The following CEP164 variants were observed in gnomAD, a reference collection of about 807,000 sequenced individuals.
CEP164 encodes centrosomal protein 164, also known as centrosomal protein of 164 kDa.
CEP164 carries 162 observed loss-of-function variants against 182.7 expected under a neutral mutation model. The ratio of observed to expected loss-of-function variants is 0.89; its 90% CI spans 0.78 to 1.01. The LOEUF is 1.01. Ranked by LOEUF, CEP164 falls within the 50% of genes least tolerant of loss-of-function variation. CEP164 has a pLI of 0.00. For synonymous variants in CEP164, 661 were observed against 690.0 expected (o/e 0.96, Z 0.66); for missense variants, 1,735 against 1,790.4 (o/e 0.97, Z 0.56).
intron 8 of CEP164, among the ~76,000 whole-genome samples, chr11:117,365,429 G>C (rs2041517188): frequency 6.6e-6 from 1 of 152,138 alleles, no homozygotes; most frequent in South Asian, 2.1e-4. Flanking sequence ...TGGGTACTTG[G>C]TCCCTGCTGT....
chr11:117,382,693 C>T, intron 13 of CEP164, 103 bp from the exon 14 acceptor site: 1 of 1,374,508 alleles, frequency 7.3e-7, no homozygotes. Context: ...GTTGGGCTGT[C>T]TCTCTTGTCT....
chr11:117,390,179 G>A (rs1339657368), intron 15 of CEP164, among the ~76,000 whole-genome samples: 1 of 151,842 alleles, frequency 6.6e-6, no homozygotes, highest in Non-Finnish European at 1.5e-5. Context: ...CTGACCTCAA[G>A]TGATCCACCT....
chr11:117,381,645 C>T, intron 12 of CEP164, 56 bp from the exon 13 acceptor site: 1 of 1,554,680 alleles, frequency 6.4e-7, no homozygotes, highest in East Asian at 2.4e-5. Context: ...CCCCAGTTCT[C>T]TTCCCGCTCT....
intron 5 of CEP164, among the ~76,000 whole-genome samples, chr11:117,353,907 G>A (rs1565460433): frequency 6.6e-6 from 1 of 152,178 alleles, no homozygotes; most frequent in South Asian, 2.1e-4. Context: ...GCTAGACTGA[G>A]TTTTCAAGTC....
At chr11:117,323,595 C>T (rs929388151), upstream of CEP164, among the ~76,000 whole-genome samples, 4 of 152,046 alleles carry the variant, frequency 2.6e-5, no homozygotes, top group African/African-American at 4.8e-5. Flanking sequence ...AATTTCATTT[C>T]CTTTGGATAT....
At chr11:117,403,283 G>T (rs191174974) in intron 27 of CEP164, among the ~76,000 whole-genome samples, 1 of 152,278 alleles carries the variant, frequency 6.6e-6, no homozygotes, top group African/African-American at 2.4e-5. Context: ...TTACAATTTG[G>T]CATGTTTTTG....
chr11:117,356,565 G>T, intron 5 of CEP164: 1 of 1,289,146 alleles, frequency 7.8e-7, no homozygotes, highest in South Asian at 1.2e-5. Context: ...GTCCAGCAGA[G>T]CTCCAGCAGA....
At chr11:117,380,768 A>ATT in intron 12 of CEP164, 63 bp downstream of exon 12, 1 of 1,484,496 alleles carries the variant, frequency 6.7e-7, no homozygotes, top group Non-Finnish European at 9.2e-7. Flanking sequence ...CTTGGGCAGA[A>ATT]TTCTTGGCTT....
rs776554109 is a variant in CEP164, at chr11:117,338,651, A to G, written c.65A>G (p.Tyr22Cys). 3 of 1,613,716 alleles carry G rather than the reference A, an allele frequency of 1.9e-6. No homozygotes were observed. Among genetic ancestry groups the G allele is most frequent in the Non-Finnish European group, 2.5e-6 (3 of 1,179,620 alleles). The change falls in exon 3 of 33, where the codon TAC becomes TGC. Residue 22 changes from tyrosine (Y) to cysteine (C), a missense_variant. Tyr to Cys is a radical substitution (Grantham distance 194, BLOSUM62 -2). Transcript: ENST00000278935. ...LVLEEDYDET[Y>C]IPSEQEILEF... ...CTGGAAGAAGATTATGATGAGACCT[A>G]CATTCCTAGTGAGCAAGGTAACAAG...
chr11:117,404,714 G>A (rs750629368), intron 27 of CEP164, among the ~76,000 whole-genome samples: 4 of 152,244 alleles, frequency 2.6e-5, no homozygotes, highest in Non-Finnish European at 5.9e-5. Context: ...TTCAGAGCCA[G>A]CAGGCAGGAA....
rs1210389200 is a variant in CEP164, at chr11:117,361,899, T to C, written c.458T>C (p.Leu153Pro). 5 of 1,614,040 alleles carry C rather than the reference T, an allele frequency of 3.1e-6. No individual in the cohort carries two copies. The highest frequency in any genetic ancestry group is 4.2e-6 in the Non-Finnish European group (5 of 1,179,992). The change falls in exon 6 of 33, where the codon CTT becomes CCT. Residue 153 changes from leucine to proline, a missense_variant. Coordinates refer to ENST00000278935, the MANE Select transcript of CEP164 (RefSeq NM_014956.5). ...PLGGLAPLRG[L>P]VDTPPSALRG... Reference sequence around the variant, plus strand: ...GGGGGCCTGGCTCCTTTACGAGGTCTTGTGGATACCCCACCCTCTGCTCTT... The same window carrying C: ...GGGGGCCTGGCTCCTTTACGAGGTCCTGTGGATACCCCACCCTCTGCTCTT...
At chr11:117,381,094 A>T (rs1032724727) in intron 12 of CEP164, among the ~76,000 whole-genome samples, 8 of 151,942 alleles carry the variant, frequency 5.3e-5, no homozygotes, top group African/African-American at 1.9e-4. Flanking sequence ...GTCGCATTGG[A>T]GGGTTGGTAC....
At chr11:117,366,501 C>A (rs537283919) in intron 8 of CEP164, among the ~76,000 whole-genome samples, 10 of 152,132 alleles carry the variant, frequency 6.6e-5, no homozygotes, top group Admixed American at 5.9e-4. Flanking sequence ...CTGAACAGGG[C>A]GAGCAAATCC....
chr11:117,392,204 C>T (rs1053341982), intron 17 of CEP164, 22 bp from the exon 18 acceptor site: 5 of 1,551,096 alleles, frequency 3.2e-6, no homozygotes, highest in Admixed American at 3.9e-5. Flanking sequence ...GCTTCACTCA[C>T]AGTCCCTTTG....
chr11:117,359,942 T>A (rs1196048272), intron 5 of CEP164, among the ~76,000 whole-genome samples: 2 of 151,904 alleles, frequency 1.3e-5, no homozygotes, highest in African/African-American at 4.8e-5. Context: ...TAGCGGGAGG[T>A]CTCACGAATT....
chr11:117,376,580 A>C (rs2042765960), intron 11 of CEP164, among the ~76,000 whole-genome samples: 1 of 152,226 alleles, frequency 6.6e-6, no homozygotes, highest in Non-Finnish European at 1.5e-5. Flanking sequence ...AACAAACAAG[A>C]TGTTTAATAC....
chr11:117,322,447 G>A (rs987135650), intron 1 of CEP164, among the ~76,000 whole-genome samples: 14 of 152,076 alleles, frequency 9.2e-5, no homozygotes, highest in African/African-American at 3.4e-4. Context: ...TTGTGGTAAG[G>A]ACATTCAAAA....
chr11:117,327,526 T>A (rs1469716644), upstream of CEP164, among the ~76,000 whole-genome samples: 1 of 145,088 alleles, frequency 6.9e-6, no homozygotes, highest in Non-Finnish European at 1.5e-5. Context: ...GGTCTCGAAC[T>A]CCTGACCTCA....
At position 117,410,842 on chromosome 11, in the gene CEP164, C is replaced by T. The variant is rs901384655; in HGVS notation, c.4111C>T (p.Leu1371Phe). 6.2e-7 allele frequency: 1 copy of T among 1,613,042 alleles called. No homozygotes were observed. Among genetic ancestry groups the T allele is most frequent in the Admixed American group, 1.7e-5 (1 of 59,944 alleles). The stretch of plus-strand genomic sequence containing the variant: ...TGCTCTTCCAGCTGGCATCCCGCTG[C>T]TCAGCAACAGCCCCACCCCGCTGGA... Reference protein sequence around the residue: ...RKYFPSGIPLLSNSPTPLESR... With the variant: ...RKYFPSGIPLFSNSPTPLESR... The change falls in exon 31 of 33, where the codon CTC becomes TTC. Residue 1371 changes from leucine to phenylalanine, a missense_variant. Coordinates refer to ENST00000278935, the MANE Select transcript of CEP164 (RefSeq NM_014956.5).
Sources: gnomAD v4.1 joint callset for allele counts (sites outside exome capture counted in the v4.1 genomes callset) on GRCh38, gnomAD v4.1.1 for gene constraint, MANE v1.5 for transcripts, NCBI Gene and HGNC (gene_info 2026-07-23, HGNC 2026-07-21) for gene names.